The following OPHN1 variants were observed in gnomAD, a reference collection of about 807,000 sequenced individuals.
OPHN1 encodes oligophrenin-1.
In OPHN1, 11 loss-of-function variants were observed where a neutral mutation model predicts 60.7. The ratio of observed to expected loss-of-function variants is 0.18; its 90% CI spans 0.11 to 0.30. The LOEUF (loss-of-function observed/expected upper bound fraction) is 0.30, where lower values mean the gene tolerates loss of function less well. Ranked by LOEUF, OPHN1 falls within the 10% of genes least tolerant of loss-of-function variation. The pLI is 1.00. For missense variants in OPHN1, 449 were observed against 611.0 expected (o/e 0.73, Z 2.80); for synonymous variants, 226 against 222.6 (o/e 1.02, Z -0.14).
At chrX:68,141,181 G>C (rs940092877) in intron 15 of OPHN1, among the ~76,000 whole-genome samples, 1 of 111,593 alleles carries the variant, frequency 9.0e-6, no homozygotes, top group African/African-American at 3.3e-5. Flanking sequence ...AAAGGTCAAG[G>C]GAACAAATCC....
At chrX:68,099,278 G>C (rs991505653) in intron 18 of OPHN1, among the ~76,000 whole-genome samples, 1 of 111,862 alleles carries the variant, frequency 8.9e-6, no homozygotes, top group East Asian at 2.8e-4. Context: ...AAAAACAAGA[G>C]TATGTGATGT....
chrX:68,228,452 CA>C (rs755606899), intron 6 of OPHN1, among the ~76,000 whole-genome samples: 8,681 of 103,951 alleles, frequency 0.084, 912 homozygotes, highest in African/African-American at 0.28. Context: ...AGAGACACAA[CA>C]AAAAAAAAAG....
At chrX:68,097,681 AG>A (rs778275848) in intron 18 of OPHN1, among the ~76,000 whole-genome samples, 1 of 111,300 alleles carries the variant, frequency 9.0e-6, no homozygotes, top group East Asian at 2.9e-4. Context: ...ACTTTGGGAT[AG>A]GGCCAATTCT....
chrX:68,245,917 C>A lies in OPHN1; in HGVS notation c.385-11329G>T, dbSNP rs151053097. Among the ~76,000 whole-genome samples, 861 of 111,913 alleles carry A rather than the reference C, an allele frequency of 7.7e-3. 6 individuals are homozygous for A. Among genetic ancestry groups the A allele is most frequent in the Middle Eastern group, 0.037 (8 of 219 alleles). On this transcript the variant is annotated intron_variant, in intron 5 of 24. Transcript: ENST00000355520. The stretch of plus-strand genomic sequence containing the variant: ...CTCCCAGGTTCAAGTTATTCTCCTG[C>A]CTCAGCCTCCCGAGTAGCTGGAATT...
rs762071373 is a variant in OPHN1, at chrX:68,427,434, T to C, written c.154+5433A>G. On this transcript the variant is annotated intron_variant, in intron 2 of 24. Transcript: ENST00000355520. ...CAAATCATGAAACTATAATATGCCATGCAAAACATAGTAAGTCATAGAATG... is the reference window on the plus strand; with the variant it reads ...CAAATCATGAAACTATAATATGCCACGCAAAACATAGTAAGTCATAGAATG... Among the ~76,000 whole-genome samples, 27 of 111,273 alleles carry C rather than the reference T, an allele frequency of 2.4e-4. No homozygotes were observed. In the South Asian group the frequency reaches 2.6e-3, roughly 11 times the overall value.
chrX:68,162,744 T>C (rs992515893), intron 15 of OPHN1, among the ~76,000 whole-genome samples: 6 of 111,202 alleles, frequency 5.4e-5, no homozygotes. Context: ...TAGGAATATG[T>C]TTTATATTGT....
intron 23 of OPHN1, among the ~76,000 whole-genome samples, chrX:68,049,002 T>C (rs1449640598): frequency 9.0e-6 from 1 of 111,253 alleles, no homozygotes; most frequent in African/African-American, 3.3e-5. Flanking sequence ...CAACCTTCTG[T>C]TTTTCTCTTC....
intron 2 of OPHN1, among the ~76,000 whole-genome samples, chrX:68,393,885 G>GGTTTT: frequency 2.9e-5 from 1 of 34,587 alleles, no homozygotes; most frequent in Non-Finnish European, 4.9e-5. Flanking sequence ...AATAGACTTT[G>GGTTTT]TTTTTTTTTT....
At chrX:68,105,952 T>C (rs1422786705) in intron 18 of OPHN1, among the ~76,000 whole-genome samples, 1 of 109,908 alleles carries the variant, frequency 9.1e-6, no homozygotes, top group African/African-American at 3.3e-5. Flanking sequence ...TAATATGGTC[T>C]GGAAAAGTCA....
intron 2 of OPHN1, among the ~76,000 whole-genome samples, chrX:68,417,183 C>T (rs779051073): frequency 1.1e-4 from 12 of 111,392 alleles, no homozygotes; most frequent in African/African-American, 3.9e-4. Context: ...GCAACTTCCA[C>T]CTCTGGGGTT....
intron 5 of OPHN1, among the ~76,000 whole-genome samples, chrX:68,248,300 CAAA>C (rs759781324): frequency 1.0e-5 from 1 of 99,281 alleles, no homozygotes; most frequent in African/African-American, 3.6e-5. Flanking sequence ...AGACATTTCT[CAAA>C]AAAAAAAAGA....
Position 68,194,033 on chromosome X carries a change from C to G in OPHN1, c.1139-81G>C. On this transcript the variant is annotated intron_variant, in intron 13 of 24. Transcript: ENST00000355520. ...AACATTTAATGACCATGCAAAGGGA[C>G]TGCATTGAGAGAGCTAAGGGTTTTT... 3.6e-6 allele frequency: 3 copies of G among 843,673 alleles called. No homozygotes were observed. The South Asian group carries it at 6.2e-5, about 17-fold the overall frequency. The allele number at this position is 843,673 out of a possible 1,213,427, so 69.5% of individuals were successfully genotyped here.
chrX:68,420,104 T>G (rs953822636), intron 2 of OPHN1, among the ~76,000 whole-genome samples: 1 of 111,633 alleles, frequency 9.0e-6, no homozygotes, highest in Non-Finnish European at 1.9e-5. Context: ...AATGCTGTTC[T>G]CCAGCTTTCA....
At chrX:68,226,487 C>T (rs1412337489) in intron 6 of OPHN1, among the ~76,000 whole-genome samples, 1 of 111,384 alleles carries the variant, frequency 9.0e-6, no homozygotes, top group African/African-American at 3.3e-5. Context: ...AGAGAAAGGT[C>T]AGGTTACCCA....
intron 3 of OPHN1, among the ~76,000 whole-genome samples, chrX:68,287,148 A>AG (rs2078045693): frequency 1.1e-5 from 1 of 87,284 alleles, no homozygotes; most frequent in Non-Finnish European, 2.3e-5. Context: ...GAAGGAAGGA[A>AG]GAAAGAAGGA....
Position 68,042,413 on chromosome X carries a change from T to C in OPHN1, c.*4759A>G, listed in dbSNP as rs1278302921. 2 of 111,585 alleles carry C rather than the reference T, an allele frequency of 1.8e-5. No homozygotes were observed. The highest frequency in any genetic ancestry group is 3.3e-5 in the African/African-American group (1 of 30,653). The allele number at this position is 111,585 out of a possible 1,213,427, so 9.2% of individuals were successfully genotyped here. ...AGCCCCAGGATCTCGTTTGTTTTAT[T>C]ATTTGGATATAGCATATGTCTTTCA... On this transcript the variant is annotated 3_prime_UTR_variant, in exon 25 of 25. Coordinates refer to ENST00000355520, the MANE Select transcript of OPHN1 (RefSeq NM_002547.3).
chrX:68,258,345 C>G (rs1435814936), intron 5 of OPHN1, among the ~76,000 whole-genome samples: 2 of 103,167 alleles, frequency 1.9e-5, no homozygotes, highest in Non-Finnish European at 3.9e-5. Context: ...GTGTGCTGCA[C>G]CCATTAACTC....
intron 15 of OPHN1, among the ~76,000 whole-genome samples, chrX:68,192,061 T>TA (rs146866304): frequency 6.8e-5 from 7 of 102,614 alleles, no homozygotes; most frequent in Non-Finnish European, 1.2e-4. Flanking sequence ...ATAACCAGAA[T>TA]AAAAAAAAAT....
At chrX:68,315,310 A>G (rs2078194524) in intron 2 of OPHN1, among the ~76,000 whole-genome samples, 1 of 110,626 alleles carries the variant, frequency 9.0e-6, no homozygotes, top group South Asian at 3.9e-4. Context: ...GAAGGGACAG[A>G]GAGAGAGAGA....
Sources: allele counts gnomAD v4.1 joint callset (sites outside exome capture counted in the v4.1 genomes callset), GRCh38; gene constraint gnomAD v4.1.1; transcripts MANE v1.5; gene names NCBI Gene and HGNC (gene_info 2026-07-23, HGNC 2026-07-21).